Variants in POU6F2 observed in about 807,000 individuals in gnomAD.
POU6F2 encodes POU class 6 homeobox 2, also known as POU domain, class 6, transcription factor 2.
Under a neutral mutation model 71.3 loss-of-function variants are expected in POU6F2, and 31 were observed. The observed-to-expected ratio is 0.43, with a 90% confidence interval of 0.33 to 0.59. The LOEUF (loss-of-function observed/expected upper bound fraction) is 0.59. Among genes scored for constraint, POU6F2 ranks in the 20% least tolerant of loss-of-function variants. POU6F2 has a pLI of 0.04. For missense variants in POU6F2, 783 were observed against 856.8 expected, an observed-to-expected ratio of 0.91 and a Z score of 1.07; for synonymous variants, 347 against 355.7, an observed-to-expected ratio of 0.98 and a Z score of 0.27.
intron 2 of POU6F2, among the ~76,000 whole-genome samples, chr7:39,179,907 A>G (rs1363976902): frequency 1.3e-5 from 2 of 152,298 alleles, no homozygotes; most frequent in Non-Finnish European, 1.5e-5. Flanking sequence ...AAATGGGGAT[A>G]ATAATACTTG....
chr7:39,433,355 A>G, intron 7 of POU6F2, 72 bp downstream of exon 7: 1 of 1,530,772 alleles, frequency 6.5e-7, no homozygotes, highest in South Asian at 1.2e-5. Context: ...TTTGGTCTCA[A>G]TCAATGAAAA....
intron 2 of POU6F2, among the ~76,000 whole-genome samples, chr7:39,144,258 A>G (rs1792567518): frequency 6.6e-6 from 1 of 152,218 alleles, no homozygotes; most frequent in African/African-American, 2.4e-5. Context: ...AGATCTTATC[A>G]TCATATATAG....
At chr7:39,457,312 A>G (rs1265820646) in intron 8 of POU6F2, among the ~76,000 whole-genome samples, 1 of 152,130 alleles carries the variant, frequency 6.6e-6, no homozygotes, top group Admixed American at 6.5e-5. Flanking sequence ...CCCCTCACAT[A>G]CTGGTTAATC....
At chr7:39,291,055 G>A (rs1367911882) in intron 4 of POU6F2, among the ~76,000 whole-genome samples, 3 of 149,010 alleles carry the variant, frequency 2.0e-5, no homozygotes, top group African/African-American at 4.9e-5. Context: ...TACAGAACAA[G>A]GAACTCAGCA....
At chr7:39,228,834 C>T (rs1794520891) in intron 4 of POU6F2, among the ~76,000 whole-genome samples, 1 of 152,178 alleles carries the variant, frequency 6.6e-6, no homozygotes, top group Admixed American at 6.5e-5. Flanking sequence ...TAATTAATAG[C>T]TGCTAAACCT....
At chr7:38,981,784 G>A (rs1239175424) in intron 1 of POU6F2, among the ~76,000 whole-genome samples, 2 of 152,168 alleles carry the variant, frequency 1.3e-5, no homozygotes, top group South Asian at 4.1e-4. Flanking sequence ...ACCATGTGAA[G>A]TGTTGTAAAG....
At chr7:39,463,775 A>G (rs1013786595) in intron 9 of POU6F2, among the ~76,000 whole-genome samples, 1 of 152,258 alleles carries the variant, frequency 6.6e-6, no homozygotes, top group African/African-American at 2.4e-5. Context: ...AAATGAAAGA[A>G]TGTGACAACT....
intron 4 of POU6F2, among the ~76,000 whole-genome samples, chr7:39,336,862 G>A (rs1415006721): frequency 6.6e-6 from 1 of 152,206 alleles, no homozygotes; most frequent in Non-Finnish European, 1.5e-5. Flanking sequence ...AGGTTAGGAT[G>A]TTGCTAGAAA....
chr7:39,215,263 T>G (rs1376135441), intron 4 of POU6F2, among the ~76,000 whole-genome samples: 1 of 152,276 alleles, frequency 6.6e-6, no homozygotes, highest in East Asian at 1.9e-4. Context: ...GAGAATCGCT[T>G]GTACTTGGGA....
chr7:39,023,868 A>G (rs1337336601), intron 1 of POU6F2, among the ~76,000 whole-genome samples: 4 of 152,060 alleles, frequency 2.6e-5, no homozygotes, highest in Non-Finnish European at 4.4e-5. Context: ...AAAAGGCCCA[A>G]TGGTTGGTGA....
At chr7:39,101,254 G>T (rs375821048) in intron 2 of POU6F2, among the ~76,000 whole-genome samples, 25 of 151,478 alleles carry the variant, frequency 1.7e-4, no homozygotes, top group African/African-American at 5.3e-4. Flanking sequence ...TTGTATTTTT[G>T]GTAGAGACGG....
intron 2 of POU6F2, among the ~76,000 whole-genome samples, chr7:39,110,078 C>T (rs955439792): frequency 2.0e-5 from 3 of 152,016 alleles, no homozygotes; most frequent in African/African-American, 7.2e-5. Context: ...TGAGACCATC[C>T]TGGCCAACAC....
chr7:39,103,443 GC>G (rs1791616698), intron 2 of POU6F2, among the ~76,000 whole-genome samples: 2 of 152,116 alleles, frequency 1.3e-5, no homozygotes, highest in Admixed American at 1.3e-4. Flanking sequence ...ATGTTACATG[GC>G]CCAAAGTAGG....
At chr7:39,059,029 C>T (rs1210593431) in intron 1 of POU6F2, among the ~76,000 whole-genome samples, 1 of 151,960 alleles carries the variant, frequency 6.6e-6, no homozygotes, top group Non-Finnish European at 1.5e-5. Context: ...AAAATAAACA[C>T]CTTTTAGAAA....
intron 4 of POU6F2, among the ~76,000 whole-genome samples, chr7:39,292,802 G>T (rs960593865): frequency 6.6e-6 from 1 of 152,098 alleles, no homozygotes; most frequent in East Asian, 1.9e-4. Flanking sequence ...AATCCATCCT[G>T]GATCACTGGG....
intron 1 of POU6F2, among the ~76,000 whole-genome samples, chr7:39,037,137 G>A (rs12701690): frequency 0.2 from 30,733 of 151,830 alleles, 3,426 homozygotes; most frequent in South Asian, 0.36. Context: ...AAGACTTCCA[G>A]TGAGATGCTT....
intron 6 of POU6F2, among the ~76,000 whole-genome samples, chr7:39,432,374 C>G (rs1269696370): frequency 6.6e-6 from 1 of 152,154 alleles, no homozygotes; most frequent in African/African-American, 2.4e-5. Flanking sequence ...GTCATTTCAC[C>G]TCTATTTTAA....
chr7:39,374,635 A>G (rs1461768279), intron 5 of POU6F2, among the ~76,000 whole-genome samples: 1 of 152,262 alleles, frequency 6.6e-6, no homozygotes, highest in Non-Finnish European at 1.5e-5. Flanking sequence ...CCATATAAGC[A>G]AATGTTTTCA....
chr7:39,138,560 T>C (rs550518941), intron 2 of POU6F2, among the ~76,000 whole-genome samples: 1 of 152,276 alleles, frequency 6.6e-6, no homozygotes, highest in Non-Finnish European at 1.5e-5. Context: ...GTGCACTTCT[T>C]ATGAGAATCT....
Sources: allele counts gnomAD v4.1 joint callset (sites outside exome capture counted in the v4.1 genomes callset), GRCh38; gene constraint gnomAD v4.1.1; transcripts MANE v1.5; gene names NCBI Gene and HGNC (gene_info 2026-07-23, HGNC 2026-07-21).